The following RREB1 variants were observed in gnomAD, a reference collection of about 807,000 sequenced individuals.
RREB1 encodes the protein ras-responsive element-binding protein 1.
In RREB1, 27 loss-of-function variants were observed where a neutral mutation model predicts 117.8. The observed-to-expected ratio is 0.23, with a 90% CI of 0.17 to 0.32. RREB1 has a LOEUF of 0.32. RREB1 is among the 10% of genes least tolerant of loss of function. The pLI is 1.00. For synonymous variants in RREB1, 1,298 were observed against 1,026.7 expected, an observed-to-expected ratio of 1.26 and a Z score of -5.05; for missense variants, 2,577 against 2,378.2, an observed-to-expected ratio of 1.08 and a Z score of -1.74.
At chr6:7,196,883 A>G (rs1765702487) in intron 6 of RREB1, among the ~76,000 whole-genome samples, 1 of 152,208 alleles carries the variant, frequency 6.6e-6, no homozygotes, top group South Asian at 2.1e-4. Context: ...GTTGCTGAGC[A>G]GAAGAGTAGG....
At chr6:7,239,885 C>T (rs1210888383) in intron 10 of RREB1, among the ~76,000 whole-genome samples, 3 of 152,238 alleles carry the variant, frequency 2.0e-5, no homozygotes, top group Non-Finnish European at 4.4e-5. Context: ...GAACTCACTG[C>T]TCCCGTTCCC....
At chr6:7,232,763 C>CTT (rs59522749) in intron 10 of RREB1, among the ~76,000 whole-genome samples, 1,778 of 136,954 alleles carry the variant, frequency 0.013, 38 homozygotes, top group African/African-American at 0.04. Flanking sequence ...TTTTCTTTTT[C>CTT]TTTTTTTTTT....
At chr6:7,160,739 T>C (rs1763618178) in intron 1 of RREB1, among the ~76,000 whole-genome samples, 1 of 151,902 alleles carries the variant, frequency 6.6e-6, no homozygotes, top group African/African-American at 2.4e-5. Flanking sequence ...CAGGCTGAAG[T>C]ACTGTGGTGC....
chr6:7,194,403 T>C (rs894728979), intron 6 of RREB1, among the ~76,000 whole-genome samples: 4 of 151,990 alleles, frequency 2.6e-5, no homozygotes, highest in African/African-American at 4.8e-5. Context: ...TACAAAAAAT[T>C]AGCCGGGTGT....
In RREB1 at chr6:7,249,487, A is replaced by G. The variant is rs1279169141; in HGVS notation, c.*519A>G. Reference sequence around the variant, plus strand: ...CAGAGGAAAGATGGATAAGATGATAATTTCTTAAATAGACATTTTCCTTTT... The same window carrying G: ...CAGAGGAAAGATGGATAAGATGATAGTTTCTTAAATAGACATTTTCCTTTT... On this transcript the variant is annotated 3_prime_UTR_variant, in exon 13 of 13. Coordinates refer to ENST00000379938, the MANE Select transcript of RREB1 (RefSeq NM_001003699.4). 3 of 153,236 alleles carry G rather than the reference A, an allele frequency of 2.0e-5. No individual in the cohort carries two copies. Among genetic ancestry groups the G allele is most frequent in the Non-Finnish European group, 4.4e-5 (3 of 68,502 alleles). The allele number at this position is 153,236 out of a possible 1,614,324, so 9.5% of individuals were successfully genotyped here. A position where few individuals can be genotyped will look rare whatever the true frequency, so the allele number is the denominator to read the frequency against.
chr6:7,153,894 T>C (rs541048106), intron 1 of RREB1, among the ~76,000 whole-genome samples: 56 of 152,326 alleles, frequency 3.7e-4, no homozygotes, highest in African/African-American at 1.3e-3. Flanking sequence ...TCTTGTCTTA[T>C]AGCTACTCTG....
At position 7,172,562 on chromosome 6, in the gene RREB1, A is replaced by G. The variant is rs569786850; in HGVS notation, c.-284-4093A>G. On this transcript the variant is annotated intron_variant, in intron 1 of 12. Coordinates refer to ENST00000379938, the MANE Select transcript of RREB1 (RefSeq NM_001003699.4). ...CATGCCCAGCTCTCCCCAATCTCTTAGGAGTCCCTTCTCACCCAGGAAGAG... is the reference window on the plus strand; with the variant it reads ...CATGCCCAGCTCTCCCCAATCTCTTGGGAGTCCCTTCTCACCCAGGAAGAG... Among the ~76,000 whole-genome samples, 573 of 152,268 alleles carry G rather than the reference A, an allele frequency of 3.8e-3. 5 individuals are homozygous for G. The highest frequency in any genetic ancestry group is 5.4e-3 in the Non-Finnish European group (370 of 68,014).
At chr6:7,131,494 TTACAGATGAGGAAGC>T in intron 1 of RREB1, among the ~76,000 whole-genome samples, 1 of 152,334 alleles carries the variant, frequency 6.6e-6, no homozygotes, top group South Asian at 2.1e-4. Context: ...TTATTTCTGT[TTACAGATGAGGAAGC>T]TGGGGCTTAG....
chr6:7,198,434 C>G (rs1372340499), intron 6 of RREB1, among the ~76,000 whole-genome samples: 1 of 152,156 alleles, frequency 6.6e-6, no homozygotes, highest in East Asian at 1.9e-4. Context: ...TGTCTACATC[C>G]AAGGGGGAAG....
intron 1 of RREB1, among the ~76,000 whole-genome samples, chr6:7,120,834 T>G (rs889524752): frequency 4.1e-5 from 6 of 147,886 alleles, no homozygotes; most frequent in Non-Finnish European, 7.5e-5. Context: ...TTTTTTTTTT[T>G]TTTGAGACAG....
chr6:7,155,072 CAG>C (rs1702926223), intron 1 of RREB1, among the ~76,000 whole-genome samples: 1 of 152,158 alleles, frequency 6.6e-6, no homozygotes, highest in African/African-American at 2.4e-5. Flanking sequence ...AGTGGTTTCT[CAG>C]AGGGAGATAG....
At chr6:7,121,071 A>G (rs547847952) in intron 1 of RREB1, among the ~76,000 whole-genome samples, 55 of 152,004 alleles carry the variant, frequency 3.6e-4, no homozygotes, top group African/African-American at 1.3e-3. Context: ...TGATCCACCC[A>G]CCTCAGCCTC....
chr6:7,158,351 T>C (rs1763483949), intron 1 of RREB1, among the ~76,000 whole-genome samples: 1 of 152,130 alleles, frequency 6.6e-6, no homozygotes, highest in East Asian at 1.9e-4. Flanking sequence ...TGCAATCCCA[T>C]ACCATGTTCA....
chr6:7,160,285 G>A (rs1353506163), intron 1 of RREB1, among the ~76,000 whole-genome samples: 2 of 151,856 alleles, frequency 1.3e-5, no homozygotes, highest in African/African-American at 4.8e-5. Flanking sequence ...CTGGCGTCAC[G>A]AATAGTTGGG....
In RREB1 at chr6:7,230,347, GC is replaced by G; in HGVS notation, c.2252del (p.Pro751ArgfsTer162). 6.3e-7 allele frequency: 1 copy of G among 1,590,948 alleles called. No homozygotes were observed. The highest frequency in any genetic ancestry group is 8.5e-7 in the Non-Finnish European group (1 of 1,173,696). ...SAAELVDAFC[A>X]PDTVCRLCGE... ...GGCCGAGCTGGTGGACGCCTTCTGCGCCCCGGACACCGTGTGCCGGCTGTGC... is the reference window on the plus strand; with the variant it reads ...GGCCGAGCTGGTGGACGCCTTCTGCGCCCGGACACCGTGTGCCGGCTGTGC... On this transcript the variant is annotated frameshift_variant, in exon 10 of 13. Transcript: ENST00000379938. LOFTEE classifies it high-confidence loss of function.
chr6:7,126,442 T>A (rs967259720), intron 1 of RREB1, among the ~76,000 whole-genome samples: 1 of 152,096 alleles, frequency 6.6e-6, no homozygotes, highest in East Asian at 1.9e-4. Flanking sequence ...CTGATTTTTT[T>A]ATTTTTAGTA....
chr6:7,248,766 G>T lies in RREB1; in HGVS notation c.5027G>T (p.Gly1676Val), dbSNP rs984836575. 1.9e-6 allele frequency: 3 copies of T among 1,613,954 alleles called. No homozygotes were observed. The highest frequency in any genetic ancestry group is 2.5e-6 in the Non-Finnish European group (3 of 1,180,006). ...GCTGTCACCCGGAGCCGGAAGGAGG[G>T]CTTGGCCAGTGCCACCAAGGACTGC... ...HMAVTRSRKE[G>V]LASATKDCSH... Residue 1676 changes from glycine to valine, a missense_variant, in exon 13 of 13, where the codon GGC becomes GTC. Coordinates refer to ENST00000379938, the MANE Select transcript of RREB1 (RefSeq NM_001003699.4).
rs780735125 is a variant in RREB1 at position 7,229,399 on chromosome 6, A to G, written c.1300A>G (p.Ile434Val). ...AGTTCTCCCCGCGACCAAGGACAGC[A>G]TAAAGCACCTGTCCCTGCAGCCCTT... ...LTVLPATKDSIKHLSLQPFQK... is the reference protein window; with the variant it reads ...LTVLPATKDSVKHLSLQPFQK... The change falls in exon 10 of 13, where the codon ATA (isoleucine) becomes GTA (valine). Residue 434 changes from isoleucine to valine, a missense_variant. Ile to Val is a conservative substitution (Grantham distance 29). Coordinates refer to ENST00000379938, the MANE Select transcript of RREB1 (RefSeq NM_001003699.4). The surrounding 1 kb of genome is among the most constrained non-coding windows in gnomAD (Gnocchi z 4.5). 1 of 1,614,186 alleles carries G rather than the reference A, an allele frequency of 6.2e-7. No homozygotes were observed.
intron 11 of RREB1, among the ~76,000 whole-genome samples, chr6:7,241,405 G>C (rs1379734142): frequency 2.6e-5 from 4 of 152,174 alleles, no homozygotes; most frequent in Non-Finnish European, 4.4e-5. Flanking sequence ...TATCCCGCCA[G>C]TTGGCACTGA....
Sources: gnomAD v4.1 joint callset for allele counts (sites outside exome capture counted in the v4.1 genomes callset) on GRCh38, gnomAD v4.1.1 for gene constraint, Gnocchi (gnomAD v3.1) non-coding constraint, MANE v1.5 for transcripts, NCBI Gene and HGNC (gene_info 2026-07-23, HGNC 2026-07-21) for gene names.